The following SAMD11 variants were observed in gnomAD, a reference collection of about 807,000 sequenced individuals.
SAMD11 encodes sterile alpha motif domain containing 11, also known as sterile alpha motif domain-containing protein 11.
SAMD11 carries 77 observed loss-of-function variants against 64.4 expected under a neutral mutation model. That is an observed-to-expected ratio of 1.20 (90% confidence interval 0.99 to 1.44). The LOEUF is 1.44. Ranked by LOEUF, SAMD11 falls within the 40% of genes most tolerant of loss-of-function variation. The pLI, the probability that SAMD11 is intolerant of heterozygous loss-of-function variation, is 0.00. For missense variants in SAMD11, 1,402 were observed against 943.3 expected, an observed-to-expected ratio of 1.49 and a Z score of -6.37; for synonymous variants, 658 against 421.9, an observed-to-expected ratio of 1.56 and a Z score of -6.86.
intron 2 of SAMD11, among the ~76,000 whole-genome samples, chr1:926,852 C>T (rs1640915718): frequency 6.6e-6 from 1 of 152,160 alleles, no homozygotes; most frequent in Admixed American, 6.5e-5. Context: ...TCCTGACACA[C>T]TCAGGAACCC....
At chr1:940,372 T>G (rs1429345148) in intron 7 of SAMD11, 7 of 145,648 alleles carry the variant, frequency 4.8e-5, no homozygotes, top group Non-Finnish European at 7.5e-5. Context: ...GCGGGGGCGC[T>G]GGGCCCCGCT....
In SAMD11 at chr1:939,392, A is replaced by G. The variant is rs1324694310; in HGVS notation, c.1175A>G (p.His392Arg). 6.3e-7 allele frequency: 1 copy of G among 1,589,502 alleles called. No homozygotes were observed. Among genetic ancestry groups the G allele is most frequent in the Non-Finnish European group, 8.5e-7 (1 of 1,176,804 alleles). ...TTTGAGGACCCTCAGCGCCTCTACC[A>G]CCTGGGCCTCCCCAGCCACGGTGAG... ...STFEDPQRLY[H>R]LGLPSHDLLR... Residue 392 changes from histidine (H) to arginine (R), a missense_variant, in exon 7 of 14, where the codon CAC becomes CGC. By Grantham distance (29) the His-to-Arg change is conservative. Transcript: ENST00000616016.
chr1:925,895 C>T (rs199884417), intron 1 of SAMD11, 27 bp from the exon 2 acceptor site: 4 of 1,548,974 alleles, frequency 2.6e-6, no homozygotes, highest in Middle Eastern at 1.7e-4. Flanking sequence ...CGCTCCCTCA[C>T]AGGGTCTGCC....
At chr1:937,494 G>A (rs1341411055) in intron 5 of SAMD11, among the ~76,000 whole-genome samples, 2 of 150,118 alleles carry the variant, frequency 1.3e-5, no homozygotes, top group Admixed American at 6.6e-5. Context: ...ATGGAAAAGT[G>A]ATTGCCAGGA....
intron 2 of SAMD11, among the ~76,000 whole-genome samples, chr1:926,265 C>G (rs183573678): frequency 2.0e-5 from 3 of 152,224 alleles, no homozygotes; most frequent in African/African-American, 7.2e-5. Context: ...TGTCTTAGAG[C>G]CTCCCCTTGG....
In SAMD11 at chr1:944,161, G is replaced by A. The variant is rs200636829; in HGVS notation, c.*8G>A. 27 of 1,535,214 alleles carry A rather than the reference G, an allele frequency of 1.8e-5. No individual in the cohort carries two copies. In the Admixed American group the frequency reaches 2.8e-4, roughly 16 times the overall value. ...TCCCAGCCTCTGTGTTGAGGTTGCC[G>A]GGGGTAGGGGTGGGGCCACACAAAT... On this transcript the variant is annotated 3_prime_UTR_variant, in exon 14 of 14. Coordinates refer to ENST00000616016, the MANE Select transcript of SAMD11 (RefSeq NM_001385641.1).
At chr1:941,033 A>G in intron 7 of SAMD11, 111 bp from the exon 8 acceptor site, 1 of 967,188 alleles carries the variant, frequency 1.0e-6, no homozygotes. Context: ...GGGGCCGAGC[A>G]CGGCCGAGTG....
At chr1:941,433 G>C (rs886347186) in intron 8 of SAMD11, 127 bp downstream of exon 8, 1 of 1,006,236 alleles carries the variant, frequency 9.9e-7, no homozygotes, top group African/African-American at 1.6e-5. Flanking sequence ...GGTCCGGGCA[G>C]AGCGTTTCGG....
intron 1 of SAMD11, among the ~76,000 whole-genome samples, chr1:925,455 T>C (rs1433100649): frequency 5.9e-5 from 9 of 151,664 alleles, no homozygotes; most frequent in Admixed American, 5.9e-4. Context: ...CGGGGGCGCC[T>C]GAGCCGGGAC....
rs940691355 is a variant in SAMD11 at position 939,337 on chromosome 1, C to G, written c.1120C>G (p.Leu374Val). ...SMAPEDHYRR[L>V]VSALSEASTF... ...GGCCCCGGAGGACCATTACCGCCGG[C>G]TTGTGTCAGCACTGAGCGAGGCCAG... The change falls in exon 7 of 14, where the codon CTT (leucine) becomes GTT (valine). Residue 374 changes from leucine to valine, a missense_variant. By Grantham distance (32) the Leu-to-Val change is conservative (BLOSUM62 1). Transcript: ENST00000616016. 9 of 1,612,372 alleles carry G rather than the reference C, an allele frequency of 5.6e-6. No homozygotes were observed. The Admixed American group carries it at 1.5e-4, about 27-fold the overall frequency.
chr1:940,948 C>G (rs1346836225), intron 7 of SAMD11, 196 bp from the exon 8 acceptor site: 7 of 530,342 alleles, frequency 1.3e-5, no homozygotes, highest in Non-Finnish European at 2.3e-5. Flanking sequence ...CCCGACACTT[C>G]CTCGCCCAGC....
chr1:943,526 CTTTTTTTTTTT>C (rs56972694), intron 12 of SAMD11, 149 bp downstream of exon 12: 9 of 550,658 alleles, frequency 1.6e-5, no homozygotes, highest in Admixed American at 8.9e-5. Flanking sequence ...TGCACCCCAC[CTTTTTTTTTTT>C]TTTTTTTTTT....
At chr1:925,356 C>G (rs1399223106) in intron 1 of SAMD11, among the ~76,000 whole-genome samples, 2 of 148,776 alleles carry the variant, frequency 1.3e-5, no homozygotes, top group East Asian at 3.9e-4. Flanking sequence ...TGCGGGGCGG[C>G]GCGGGGGCGC....
At chr1:932,326 C>G (rs910814910) in intron 4 of SAMD11, among the ~76,000 whole-genome samples, 14 of 152,164 alleles carry the variant, frequency 9.2e-5, no homozygotes, top group Non-Finnish European at 1.5e-4. Flanking sequence ...TGCCTGGCCT[C>G]GGGAATGCAG....
chr1:938,738 C>A (rs932889825), intron 5 of SAMD11, among the ~76,000 whole-genome samples: 2 of 152,182 alleles, frequency 1.3e-5, no homozygotes, highest in Non-Finnish European at 2.9e-5. Flanking sequence ...GAGAGGGGGG[C>A]TCGTTAACTT....
In SAMD11 at chr1:943,780, T is replaced by G. The variant is rs1291465491; in HGVS notation, c.2261T>G (p.Leu754Arg). The change falls in exon 13 of 14, where the codon CTG (leucine) becomes CGG (arginine). Residue 754 changes from leucine to arginine, a missense_variant. Leu to Arg is a moderately radical substitution (Grantham distance 102). Transcript: ENST00000616016. ...EHLLTNMGLKLGPALKIRAQV... is the reference protein window; with the variant it reads ...EHLLTNMGLKRGPALKIRAQV... Reference sequence around the variant, plus strand: ...CTGCTGACCAACATGGGGCTGAAGCTGGGGCCCGCCCTCAAGATCCGGGCC... The same window carrying G: ...CTGCTGACCAACATGGGGCTGAAGCGGGGGCCCGCCCTCAAGATCCGGGCC... The G allele has an allele frequency of 6.2e-7, 1 of 1,612,440 alleles. No homozygotes were observed. Among genetic ancestry groups the G allele is most frequent in the Non-Finnish European group, 8.5e-7 (1 of 1,179,890 alleles).
chr1:940,511 T>G (rs1232630912), intron 7 of SAMD11: 1 of 152,054 alleles, frequency 6.6e-6, no homozygotes, highest in Non-Finnish European at 1.5e-5. Flanking sequence ...GGAGCCTGCA[T>G]AGTGGGGGCT....
At chr1:928,216 A>C (rs973939746) in intron 2 of SAMD11, among the ~76,000 whole-genome samples, 19 of 151,562 alleles carry the variant, frequency 1.3e-4, no homozygotes, top group Admixed American at 2.0e-4. Context: ...ACACGGTGAA[A>C]CCCGTCTCTA....
chr1:943,422 G>C (rs1364197813), intron 12 of SAMD11, 45 bp downstream of exon 12: 1 of 1,462,122 alleles, frequency 6.8e-7, no homozygotes, highest in South Asian at 1.3e-5. Context: ...GAGCTGGCTG[G>C]CAGTCACTAC....
Sources: gnomAD v4.1 joint callset for allele counts (sites outside exome capture counted in the v4.1 genomes callset) on GRCh38, gnomAD v4.1.1 for gene constraint, MANE v1.5 for transcripts, NCBI Gene and HGNC (gene_info 2026-07-23, HGNC 2026-07-21) for gene names.